CHD6: variants seen among roughly 807,000 people sequenced by gnomAD.
CHD6 encodes the protein chromodomain helicase DNA binding protein 6, also known as ATP-dependent chromatin remodeler CHD6.
A neutral mutation model predicts 276.9 loss-of-function variants in CHD6; 50 were observed. The ratio of observed to expected loss-of-function variants is 0.18; its 90% CI spans 0.14 to 0.23. The LOEUF is 0.23. Ranked by LOEUF, CHD6 falls within the 10% of genes least tolerant of loss-of-function variation. The pLI, the probability that CHD6 is intolerant of heterozygous loss-of-function variation, is 1.00. For synonymous variants in CHD6, 1,173 were observed against 1,229.3 expected, an observed-to-expected ratio of 0.95 and a Z score of 0.96; for missense variants, 2,564 against 3,365.8, an observed-to-expected ratio of 0.76 and a Z score of 5.89.
At chr20:41,501,099 G>A (rs1332760454) in intron 5 of CHD6, among the ~76,000 whole-genome samples, 1 of 152,162 alleles carries the variant, frequency 6.6e-6, no homozygotes, top group African/African-American at 2.4e-5. Context: ...TAGGTTAAGA[G>A]AAACTAGACT....
chr20:41,574,788 T>C (rs1414282829), intron 1 of CHD6, among the ~76,000 whole-genome samples: 1 of 152,050 alleles, frequency 6.6e-6, no homozygotes, highest in Non-Finnish European at 1.5e-5. Context: ...GAGTTTATAA[T>C]GAGGTAGGAA....
At position 41,577,405 on chromosome 20, in the gene CHD6, G is replaced by C. The variant is rs1386813522; in HGVS notation, c.-23-26045C>G. On this transcript the variant is annotated intron_variant, in intron 1 of 36. Transcript: ENST00000373233. ...AGAGTGGTATCCTGTGTGAATCTGTGACCTCAAGCTGTCTGCTACGTTTCT... is the reference window on the plus strand; with the variant it reads ...AGAGTGGTATCCTGTGTGAATCTGTCACCTCAAGCTGTCTGCTACGTTTCT... Among the ~76,000 whole-genome samples, 3 of 152,232 alleles carry C rather than the reference G, an allele frequency of 2.0e-5. No individual in the cohort carries two copies. The South Asian group carries it at 6.2e-4, about 32-fold the overall frequency.
intron 3 of CHD6, among the ~76,000 whole-genome samples, chr20:41,527,722 A>C (rs950298463): frequency 6.6e-6 from 1 of 152,228 alleles, no homozygotes; most frequent in Non-Finnish European, 1.5e-5. Flanking sequence ...GATCTACTGC[A>C]TAACAGTTCT....
chr20:41,534,896 T>C (rs1333672837), intron 2 of CHD6, among the ~76,000 whole-genome samples: 1 of 152,054 alleles, frequency 6.6e-6, no homozygotes, highest in African/African-American at 2.4e-5. Context: ...CAAGAAGAAA[T>C]CCAGCAGTGA....
At position 41,491,811 on chromosome 20, in the gene CHD6, A is replaced by T. The variant is rs1346138539; in HGVS notation, c.1323T>A (p.Pro441=). ...VLPEIKHVER[P]ASDSWQKLEK... ...CAAGTTTCTGCCAGGAGTCTGAAGC[A>T]GGCCGCTCCTAGGGAGGAAAGCAAA... is the stretch of plus-strand genomic sequence containing the variant. The change falls in exon 11 of 37, where the codon CCT becomes CCA. Residue 441 remains proline (P), a synonymous_variant. Transcript: ENST00000373233. The T allele has an allele frequency of 6.2e-7, 1 of 1,613,926 alleles. No individual in the cohort carries two copies.
intron 5 of CHD6, among the ~76,000 whole-genome samples, chr20:41,500,482 T>C (rs375808684): frequency 3.3e-5 from 5 of 152,290 alleles, no homozygotes; most frequent in African/African-American, 1.2e-4. Flanking sequence ...CTCAGACACA[T>C]GGCATTGTGC....
At chr20:41,414,640 T>C (rs1473217973) in intron 34 of CHD6, 3 of 208,948 alleles carry the variant, frequency 1.4e-5, no homozygotes, top group Non-Finnish European at 2.9e-5. Flanking sequence ...TTCCTTTGAG[T>C]TTGGAACAAA....
chr20:41,614,639 T>G (rs572504968), intron 1 of CHD6: 1 of 152,302 alleles, frequency 6.6e-6, no homozygotes, highest in Non-Finnish European at 1.5e-5. Context: ...TTTCTTTGGA[T>G]TTTATGCAGA....
chr20:41,582,781 A>G (rs1208953010), intron 1 of CHD6, among the ~76,000 whole-genome samples: 1 of 152,242 alleles, frequency 6.6e-6, no homozygotes, highest in Non-Finnish European at 1.5e-5. Flanking sequence ...CAACAGAAAG[A>G]TGAAATATGT....
chr20:41,581,787 G>A (rs948684706), intron 1 of CHD6, among the ~76,000 whole-genome samples: 1 of 152,134 alleles, frequency 6.6e-6, no homozygotes, highest in Non-Finnish European at 1.5e-5. Context: ...TAAATCCTGT[G>A]AAGAAATATT....
intron 17 of CHD6, chr20:41,461,885 G>C (rs1157908417): frequency 6.6e-6 from 1 of 152,254 alleles, no homozygotes; most frequent in African/African-American, 2.4e-5. Context: ...CAGACCCTGG[G>C]GTCTCTGTGC....
chr20:41,407,290 T>C (rs2046707979), intron 36 of CHD6, among the ~76,000 whole-genome samples: 1 of 152,246 alleles, frequency 6.6e-6, no homozygotes, highest in East Asian at 1.9e-4. Flanking sequence ...ACAGCCTCCT[T>C]GTCTGTGGGA....
chr20:41,577,253 G>A (rs2143231), intron 1 of CHD6, among the ~76,000 whole-genome samples: 58,717 of 151,504 alleles, frequency 0.39, 13,539 homozygotes, highest in African/African-American at 0.63. Flanking sequence ...TTGTTTCTTT[G>A]GTATTGGATA....
intron 14 of CHD6, among the ~76,000 whole-genome samples, chr20:41,486,914 T>C (rs2043428266): frequency 1.3e-5 from 2 of 152,014 alleles, no homozygotes; most frequent in South Asian, 4.2e-4. Flanking sequence ...TGCCCATCCC[T>C]CAAGATGCAT....
chr20:41,512,793 T>C, intron 5 of CHD6, 53 bp downstream of exon 5: 1 of 1,603,438 alleles, frequency 6.2e-7, no homozygotes, highest in Non-Finnish European at 8.5e-7. Context: ...GTCTGTCATC[T>C]AGGTCAAAAT....
chr20:41,588,198 A>G (rs1197471364), intron 1 of CHD6, among the ~76,000 whole-genome samples: 1 of 152,190 alleles, frequency 6.6e-6, no homozygotes, highest in African/African-American at 2.4e-5. Context: ...CCAGCAGGAT[A>G]AATGTGTTAG....
At chr20:41,500,971 C>T (rs890076323) in intron 5 of CHD6, among the ~76,000 whole-genome samples, 3 of 152,044 alleles carry the variant, frequency 2.0e-5, no homozygotes, top group Non-Finnish European at 4.4e-5. Flanking sequence ...ACTGTCAGGA[C>T]GGTAACAGCA....
At chr20:41,441,942 C>T (rs1255640755) in intron 25 of CHD6, among the ~76,000 whole-genome samples, 2 of 152,188 alleles carry the variant, frequency 1.3e-5, no homozygotes, top group Non-Finnish European at 2.9e-5. Flanking sequence ...ATCCAGGCTA[C>T]CTTGGAGGGG....
Position 41,446,022 on chromosome 20 carries a change from C to T in CHD6, c.3774-254G>A, listed in dbSNP as rs959251314. 7.9e-5 allele frequency among the ~76,000 whole-genome samples: 12 copies of T among 152,164 alleles called. 1 individual carries two copies. In the South Asian group the frequency reaches 1.2e-3, roughly 16 times the overall value. ...CAGTCTTGAAGCACCTCTTGGAGAA[C>T]GCAATGTCAGTTGGTCCAGGGTGGC... is the stretch of plus-strand genomic sequence containing the variant. On this transcript the variant is annotated intron_variant, in intron 24 of 36. Coordinates refer to ENST00000373233, the MANE Select transcript of CHD6 (RefSeq NM_032221.5).
Sources: gnomAD v4.1 joint callset for allele counts (sites outside exome capture counted in the v4.1 genomes callset) on GRCh38, gnomAD v4.1.1 for gene constraint, MANE v1.5 for transcripts, NCBI Gene and HGNC (gene_info 2026-07-23, HGNC 2026-07-21) for gene names.